GLYATL1: variants seen among roughly 807,000 people sequenced by gnomAD.
The protein encoded by GLYATL1 is glycine N-acyltransferase-like protein 1.
In GLYATL1, 15 loss-of-function variants were observed where a neutral mutation model predicts 20.0. That is an observed-to-expected ratio of 0.75 (90% CI 0.50 to 1.15). GLYATL1 has a LOEUF of 1.15. GLYATL1 is among the 50% of genes most tolerant of loss of function. The pLI is 0.00. For synonymous variants in GLYATL1, 151 were observed against 131.5 expected, an observed-to-expected ratio of 1.15 and a Z score of -1.01; for missense variants, 380 against 368.5, an observed-to-expected ratio of 1.03 and a Z score of -0.26.
exon 2 of GLYATL1, chr11:58,907,581 A>T (rs545003940): frequency 7.2e-5 from 25 of 346,182 alleles, no homozygotes; most frequent in African/African-American, 5.3e-4. Flanking sequence ...GTTCCTGACT[A>T]CTAGTTCTAT....
chr11:58,919,082 A>G (rs1358708402), intron 1 of GLYATL1, among the ~76,000 whole-genome samples: 1 of 152,168 alleles, frequency 6.6e-6, no homozygotes, highest in East Asian at 1.9e-4. Flanking sequence ...CTTAACCCAA[A>G]CAGAATCACC....
intron 1 of GLYATL1, among the ~76,000 whole-genome samples, chr11:58,929,602 G>GT (rs1370853138): frequency 2.6e-5 from 4 of 152,018 alleles, no homozygotes; most frequent in Admixed American, 2.6e-4. Flanking sequence ...AAATTATGAT[G>GT]TTTTTTTCTA....
intron 1 of GLYATL1, among the ~76,000 whole-genome samples, chr11:58,922,216 G>T (rs1194229117): frequency 6.6e-6 from 1 of 152,178 alleles, no homozygotes; most frequent in Non-Finnish European, 1.5e-5. Flanking sequence ...GTTACTCTCT[G>T]GCGCTCCTCA....
At chr11:58,941,703 G>C (rs1275322090) in intron 1 of GLYATL1, among the ~76,000 whole-genome samples, 1 of 152,196 alleles carries the variant, frequency 6.6e-6, no homozygotes, top group Non-Finnish European at 1.5e-5. Context: ...AGAAGAAAAA[G>C]AACAGCCAAG....
chr11:58,924,412 C>A (rs745666834), upstream of GLYATL1, among the ~76,000 whole-genome samples: 9 of 152,156 alleles, frequency 5.9e-5, no homozygotes, highest in Non-Finnish European at 1.2e-4. Context: ...TGACCTAATG[C>A]TCTAAGGTAA....
In GLYATL1 at chr11:58,943,153, C is replaced by T. The variant is rs191633640; in HGVS notation, c.-166-390C>T. The T allele has an allele frequency of 9.3e-4, 965 of 1,033,386 alleles. 7 individuals carry two copies. In the African/African-American group the frequency reaches 0.014, roughly 15 times the overall value. 64.0% of individuals were successfully genotyped at this position (1,033,386 alleles called of 1,614,324 possible). On this transcript the variant is annotated intron_variant, in intron 1 of 6. Transcript: ENST00000532726. ...ACAGCCTGAGAAGGACTCTGTACTTCTTCATTTGAGTCCTTGTGGGTAAAC... is the reference window on the plus strand; with the variant it reads ...ACAGCCTGAGAAGGACTCTGTACTTTTTCATTTGAGTCCTTGTGGGTAAAC...
chr11:58,914,309 T>G (rs1855117304), intron 1 of GLYATL1, among the ~76,000 whole-genome samples: 1 of 152,130 alleles, frequency 6.6e-6, no homozygotes, highest in African/African-American at 2.4e-5. Flanking sequence ...AAGTTTTTAG[T>G]CTCCCATGCA....
Position 58,932,622 on chromosome 11 carries a change from TTCTC to T in GLYATL1, c.-212+4797_-212+4800del, listed in dbSNP as rs1410130813. On this transcript the variant is annotated intron_variant, in intron 1 of 7. Coordinates refer to the GLYATL1 transcript ENST00000317391. ...CATAAGCAGTTGATTCTTCAGTGAA[TTCTC>T]TCTAACTGTAAAAGTGGATAGAGAA... is the stretch of plus-strand genomic sequence containing the variant. 5.3e-5 allele frequency among the ~76,000 whole-genome samples: 8 copies of T among 152,350 alleles called. No individual in the cohort carries two copies. In the East Asian group the frequency reaches 1.2e-3, roughly 22 times the overall value.
At chr11:58,931,959 A>C (rs923401207) in intron 1 of GLYATL1, among the ~76,000 whole-genome samples, 2 of 151,988 alleles carry the variant, frequency 1.3e-5, no homozygotes, top group Admixed American at 1.3e-4. Flanking sequence ...AAACAGTACA[A>C]AAATTAGCCA....
At chr11:58,955,029 C>T in intron 5 of GLYATL1, 133 bp downstream of exon 5, 3 of 1,240,966 alleles carry the variant, frequency 2.4e-6, no homozygotes, top group Non-Finnish European at 3.4e-6. Context: ...AGAGGTGGAG[C>T]AATCTGTGGT....
chr11:58,943,498 G>T, intron 1 of GLYATL1, 45 bp from the exon 2 acceptor site: 1 of 1,555,882 alleles, frequency 6.4e-7, no homozygotes, highest in East Asian at 2.4e-5. Context: ...GTTGCTTAAT[G>T]AAACTCCTTT....
rs1345086917 is a variant in GLYATL1, at chr11:58,950,290, T to TA, written c.186+2338dup. Among the ~76,000 whole-genome samples, 991 of 136,962 alleles carry TA rather than the reference T, an allele frequency of 7.2e-3. 3 individuals carry two copies. Among genetic ancestry groups the TA allele is most frequent in the Non-Finnish European group, 8.8e-3 (552 of 62,944 alleles). The allele number at this position is 136,962 out of a possible 152,430, so 89.9% of individuals were successfully genotyped here. ...TTGGGCGACGGAGCGAGACTCCGTC[T>TA]AAAAAAAAAAAAACAAAAAAATAAA... On this transcript the variant is annotated intron_variant, in intron 4 of 6. Coordinates refer to ENST00000532726, the MANE Select transcript of GLYATL1 (RefSeq NM_001389712.2).
chr11:58,939,877 T>C (rs1385869031), intron 1 of GLYATL1, among the ~76,000 whole-genome samples: 1 of 152,108 alleles, frequency 6.6e-6, no homozygotes, highest in Non-Finnish European at 1.5e-5. Context: ...CTCCTCTCCA[T>C]TTGAGAAATT....
chr11:58,928,971 T>TG (rs1338464809), intron 1 of GLYATL1, among the ~76,000 whole-genome samples: 1 of 152,234 alleles, frequency 6.6e-6, no homozygotes, highest in African/African-American at 2.4e-5. Context: ...ATTTACCCTA[T>TG]GACCTAATGC....
chr11:58,941,977 TA>T (rs956529066), intron 1 of GLYATL1, among the ~76,000 whole-genome samples: 1 of 152,170 alleles, frequency 6.6e-6, no homozygotes, highest in Non-Finnish European at 1.5e-5. Context: ...GTGAAGCATA[TA>T]AAAGTTTACC....
intron 1 of GLYATL1, chr11:58,943,329 G>T (rs367855669): frequency 6.4e-7 from 1 of 1,550,508 alleles, no homozygotes; most frequent in Non-Finnish European, 8.7e-7. Flanking sequence ...TAAGGCAAGC[G>T]CCCAGTTGTA....
chr11:58,936,901 G>C (rs1855860605), upstream of GLYATL1, among the ~76,000 whole-genome samples: 1 of 152,146 alleles, frequency 6.6e-6, no homozygotes, highest in African/African-American at 2.4e-5. Context: ...ACCCAGAACA[G>C]TTTAGCATGA....
intron 1 of GLYATL1, among the ~76,000 whole-genome samples, chr11:58,918,660 G>C (rs936008841): frequency 6.6e-6 from 1 of 152,184 alleles, no homozygotes; most frequent in South Asian, 2.1e-4. Flanking sequence ...CAGAATAATG[G>C]AAGTATAATT....
chr11:58,939,920 C>T (rs1856018483), intron 1 of GLYATL1, among the ~76,000 whole-genome samples: 1 of 152,034 alleles, frequency 6.6e-6, no homozygotes, highest in African/African-American at 2.4e-5. Flanking sequence ...GTTGATTGAG[C>T]CCAACCAATG....
Sources: gnomAD v4.1 joint callset for allele counts (sites outside exome capture counted in the v4.1 genomes callset) on GRCh38, gnomAD v4.1.1 for gene constraint, MANE v1.5 for transcripts, NCBI Gene and HGNC (gene_info 2026-07-23, HGNC 2026-07-21) for gene names.